COL26A1: variants seen among roughly 807,000 people sequenced by gnomAD.
The protein encoded by COL26A1 is collagen alpha-1(XXVI) chain.
In COL26A1, 41 loss-of-function variants were observed where a neutral mutation model predicts 59.3. The ratio of observed to expected loss-of-function variants is 0.69; its 90% confidence interval spans 0.54 to 0.90. COL26A1 has a LOEUF of 0.90. Among genes scored for constraint, COL26A1 ranks in the 40% least tolerant of loss-of-function variants. COL26A1 has a pLI of 0.00. For synonymous variants in COL26A1, 266 were observed against 256.0 expected, an observed-to-expected ratio of 1.04 and a Z score of -0.37; for missense variants, 612 against 602.3, an observed-to-expected ratio of 1.02 and a Z score of -0.17.
chr7:101,506,312 C>T (rs756208786), intron 3 of COL26A1, among the ~76,000 whole-genome samples: 1 of 152,240 alleles, frequency 6.6e-6, no homozygotes, highest in African/African-American at 2.4e-5. Context: ...TCACAATAAA[C>T]CAACGCTGAA....
intron 1 of COL26A1, among the ~76,000 whole-genome samples, chr7:101,410,675 C>T (rs183687118): frequency 1.1e-3 from 150 of 142,226 alleles, no homozygotes; most frequent in African/African-American, 3.0e-3. Flanking sequence ...CCACCACGCC[C>T]GGCTAATTTT....
At chr7:101,417,261 G>T (rs1792392116) in intron 1 of COL26A1, among the ~76,000 whole-genome samples, 1 of 151,992 alleles carries the variant, frequency 6.6e-6, no homozygotes, top group Non-Finnish European at 1.5e-5. Flanking sequence ...TGTTTCCTGA[G>T]AATTTGTCTG....
intron 11 of COL26A1, among the ~76,000 whole-genome samples, 162 bp downstream of exon 11, chr7:101,553,538 C>T (rs1203722819): frequency 4.2e-3 from 1 of 238 alleles, no homozygotes. Context: ...GTTCACAGCC[C>T]CATGGGAACT....
At chr7:101,528,672 A>G (rs994368572) in intron 3 of COL26A1, among the ~76,000 whole-genome samples, 1 of 151,876 alleles carries the variant, frequency 6.6e-6, no homozygotes, top group East Asian at 2.0e-4. Context: ...CTCAGCCTCC[A>G]AAGTAGCTGA....
chr7:101,489,652 TCTTTCTTTCTTC>T (rs1224087098), intron 3 of COL26A1, among the ~76,000 whole-genome samples: 3 of 75,794 alleles, frequency 4.0e-5, no homozygotes, highest in African/African-American at 1.2e-4. Flanking sequence ...TTTCTTTCTT[TCTTTCTTTCTTC>T]CTTCCTTCCT....
At chr7:101,419,699 C>G (rs1449106936) in intron 1 of COL26A1, among the ~76,000 whole-genome samples, 2 of 152,216 alleles carry the variant, frequency 1.3e-5, no homozygotes, top group African/African-American at 2.4e-5. Context: ...CTCTCCCCAC[C>G]AGGGTGAGAT....
intron 1 of COL26A1, among the ~76,000 whole-genome samples, chr7:101,416,573 T>C (rs1792374490): frequency 6.9e-6 from 1 of 143,946 alleles, no homozygotes; most frequent in African/African-American, 2.5e-5. Context: ...TCTAGGTCCC[T>C]TGTTGCCTGT....
chr7:101,531,761 C>T (rs923088277), intron 3 of COL26A1, among the ~76,000 whole-genome samples: 5 of 152,012 alleles, frequency 3.3e-5, no homozygotes, highest in Non-Finnish European at 5.9e-5. Flanking sequence ...GCAGAGGAAT[C>T]GCCCTTTGTT....
chr7:101,480,277 G>A (rs1186880497), intron 3 of COL26A1, among the ~76,000 whole-genome samples: 2 of 152,022 alleles, frequency 1.3e-5, no homozygotes, highest in African/African-American at 2.4e-5. Context: ...TCTTCAGTGT[G>A]TCCAATAAGA....
intron 3 of COL26A1, among the ~76,000 whole-genome samples, chr7:101,452,356 G>A (rs1042129990): frequency 1.3e-5 from 2 of 152,170 alleles, no homozygotes; most frequent in Non-Finnish European, 1.5e-5. Context: ...CTCAATAGAG[G>A]AGGCAGAAGT....
chr7:101,549,847 C>G (rs187182153), intron 9 of COL26A1, among the ~76,000 whole-genome samples: 1 of 152,150 alleles, frequency 6.6e-6, no homozygotes, highest in African/African-American at 2.4e-5. Flanking sequence ...AGAGTTGGGC[C>G]AGGTCACAGA....
intron 3 of COL26A1, among the ~76,000 whole-genome samples, chr7:101,493,775 A>AG (rs1794519446): frequency 1.3e-5 from 2 of 150,320 alleles, no homozygotes; most frequent in Admixed American, 1.3e-4. Context: ...AAAAAAAAAA[A>AG]AAAAAAAATT....
At chr7:101,520,051 A>G (rs115924347) in intron 3 of COL26A1, among the ~76,000 whole-genome samples, 2,033 of 152,120 alleles carry the variant, frequency 0.013, 50 homozygotes, top group African/African-American at 0.046. Flanking sequence ...CCCCTGGTCT[A>G]TTGCCTGGTC....
chr7:101,529,917 C>A (rs113375098), intron 3 of COL26A1, among the ~76,000 whole-genome samples: 206 of 152,280 alleles, frequency 1.4e-3, no homozygotes, highest in African/African-American at 3.5e-3. Context: ...TGCATCTCTG[C>A]TTTCAAGTAG....
intron 3 of COL26A1, among the ~76,000 whole-genome samples, chr7:101,510,821 A>C (rs183370481): frequency 1.2e-3 from 175 of 151,924 alleles, no homozygotes; most frequent in African/African-American, 4.1e-3. Context: ...TGTCTGGCTA[A>C]TGGGGGCTTC....
At chr7:101,471,158 C>T (rs1357333013) in intron 3 of COL26A1, among the ~76,000 whole-genome samples, 1 of 152,176 alleles carries the variant, frequency 6.6e-6, no homozygotes, top group African/African-American at 2.4e-5. Context: ...TACAGGAGGC[C>T]CTGATTTCCA....
At chr7:101,470,741 C>G (rs373049695) in intron 3 of COL26A1, among the ~76,000 whole-genome samples, 1 of 151,922 alleles carries the variant, frequency 6.6e-6, no homozygotes, top group East Asian at 1.9e-4. Context: ...TATATGGGGT[C>G]TCGTTACATA....
chr7:101,402,896 AGT>A (rs2130203601), intron 1 of COL26A1, among the ~76,000 whole-genome samples: 1 of 150,242 alleles, frequency 6.7e-6, no homozygotes, highest in East Asian at 2.0e-4. Flanking sequence ...CCCAAGCTAG[AGT>A]GTGGTGGTGC....
intron 7 of COL26A1, among the ~76,000 whole-genome samples, chr7:101,546,666 C>T (rs1305951761): frequency 6.6e-6 from 1 of 152,098 alleles, no homozygotes; most frequent in African/African-American, 2.4e-5. Flanking sequence ...GTGAGGGGCT[C>T]ATCCTGGAGG....
Sources: gnomAD v4.1 joint callset for allele counts (sites outside exome capture counted in the v4.1 genomes callset) on GRCh38, gnomAD v4.1.1 for gene constraint, MANE v1.5 for transcripts, NCBI Gene and HGNC (gene_info 2026-07-23, HGNC 2026-07-21) for gene names.